Variants in CSMD2 observed in about 807,000 individuals in gnomAD.
CSMD2 encodes CUB and sushi domain-containing protein 2.
Under a neutral mutation model 398.5 loss-of-function variants are expected in CSMD2, and 130 were observed. That is an observed-to-expected ratio of 0.33 (90% confidence interval 0.28 to 0.38). The LOEUF is 0.38. Among genes scored for constraint, CSMD2 ranks in the 10% least tolerant of loss-of-function variants. The pLI is 1.00. For synonymous variants in CSMD2, 1,828 were observed against 1,908.5 expected (o/e 0.96, Z 1.10); for missense variants, 3,829 against 4,764.9 (o/e 0.80, Z 5.78).
At chr1:33,957,030 G>C (rs1241712852) in intron 3 of CSMD2, among the ~76,000 whole-genome samples, 1 of 151,778 alleles carries the variant, frequency 6.6e-6, no homozygotes, top group Non-Finnish European at 1.5e-5. Flanking sequence ...TCCTACCTCA[G>C]GGCTCTTGCA....
chr1:34,090,482 G>A (rs1017513199), intron 1 of CSMD2, among the ~76,000 whole-genome samples: 1 of 151,982 alleles, frequency 6.6e-6, no homozygotes, highest in African/African-American at 2.4e-5. Context: ...TGTGGGCCAG[G>A]CCCATCACCC....
At chr1:33,581,499 C>T (rs1475212176) in intron 47 of CSMD2, among the ~76,000 whole-genome samples, 1 of 129,574 alleles carries the variant, frequency 7.7e-6, no homozygotes, top group Non-Finnish European at 1.5e-5. Context: ...CACTGTGCTC[C>T]AGCCTGGGTG....
intron 3 of CSMD2, among the ~76,000 whole-genome samples, chr1:34,019,118 C>T (rs1411813151): frequency 6.6e-6 from 1 of 152,186 alleles, no homozygotes; most frequent in Non-Finnish European, 1.5e-5. Flanking sequence ...CCTCAAAGGA[C>T]TGCTTGAGAA....
At chr1:33,578,146 G>A (rs1413165309) in intron 48 of CSMD2, among the ~76,000 whole-genome samples, 2 of 152,012 alleles carry the variant, frequency 1.3e-5, no homozygotes, top group African/African-American at 4.8e-5. Flanking sequence ...TGGCAACCTG[G>A]GACACACATT....
At chr1:33,895,780 T>C (rs1642349028) in intron 5 of CSMD2, among the ~76,000 whole-genome samples, 2 of 152,104 alleles carry the variant, frequency 1.3e-5, no homozygotes, top group African/African-American at 4.8e-5. Context: ...CCAGCCCCCA[T>C]GAGTTTGTGG....
chr1:34,132,666 G>A lies in CSMD2; in HGVS notation c.187+32245C>T, dbSNP rs190519740. ...CCTCATCCAATTCATTGAGGTCCCC[G>A]AAAGAAGAAATAGACAGAGAAGAGG... On this transcript the variant is annotated intron_variant, in intron 1 of 70. Coordinates refer to ENST00000373381, the MANE Select transcript of CSMD2 (RefSeq NM_001281956.2). Among the ~76,000 whole-genome samples, 628 of 152,302 alleles carry A rather than the reference G, an allele frequency of 4.1e-3. 3 individuals carry two copies. Among genetic ancestry groups the A allele is most frequent in the Middle Eastern group, 6.8e-3 (2 of 294 alleles).
Position 33,912,687 on chromosome 1 carries a change from C to G in CSMD2, c.920+5407G>C, listed in dbSNP as rs374224498. On this transcript the variant is annotated intron_variant, in intron 5 of 70. Coordinates refer to ENST00000373381, the MANE Select transcript of CSMD2 (RefSeq NM_001281956.2). ...TCTCCATACTTATGGTCCCTGCCCC[C>G]CTACTCTGTGAGCACCCCAGTACAG... is the stretch of plus-strand genomic sequence containing the variant. Among the ~76,000 whole-genome samples the G allele has an allele frequency of 2.0e-4, 30 of 152,290 alleles. 1 individual carries two copies. The South Asian group carries it at 6.2e-3, about 32-fold the overall frequency.
intron 12 of CSMD2, among the ~76,000 whole-genome samples, chr1:33,786,378 C>T (rs1653539443): frequency 6.6e-6 from 1 of 152,182 alleles, no homozygotes; most frequent in South Asian, 2.1e-4. Flanking sequence ...TTGCATCCAT[C>T]TCCATTCCCC....
At chr1:33,968,182 G>C (rs1406055914) in intron 3 of CSMD2, among the ~76,000 whole-genome samples, 1 of 152,190 alleles carries the variant, frequency 6.6e-6, no homozygotes, top group Non-Finnish European at 1.5e-5. Context: ...CTGGTTCTTT[G>C]AGTCATGTTA....
chr1:33,556,561 T>C (rs1657994549), intron 55 of CSMD2, among the ~76,000 whole-genome samples: 1 of 152,146 alleles, frequency 6.6e-6, no homozygotes, highest in Admixed American at 6.5e-5. Context: ...GATTCACCTT[T>C]AGGAAACAGA....
intron 1 of CSMD2, among the ~76,000 whole-genome samples, chr1:34,134,550 C>A (rs894962383): frequency 8.6e-5 from 13 of 152,022 alleles, no homozygotes; most frequent in African/African-American, 3.1e-4. Flanking sequence ...GACACAAAAC[C>A]AGAAGCCAAA....
At chr1:33,905,477 A>G (rs1049724560) in intron 5 of CSMD2, among the ~76,000 whole-genome samples, 2 of 152,198 alleles carry the variant, frequency 1.3e-5, no homozygotes, top group African/African-American at 4.8e-5. Context: ...CGACACTGGA[A>G]TGGGCAACCT....
chr1:33,717,243 C>G (rs1646203845), intron 19 of CSMD2, among the ~76,000 whole-genome samples: 2 of 152,174 alleles, frequency 1.3e-5, no homozygotes, highest in Admixed American at 1.3e-4. Flanking sequence ...AGAAGCCATC[C>G]TATCCAGAGT....
intron 1 of CSMD2, among the ~76,000 whole-genome samples, chr1:34,146,313 C>G (rs1279506909): frequency 6.6e-6 from 1 of 152,210 alleles, no homozygotes; most frequent in Non-Finnish European, 1.5e-5. Context: ...AGAGCCCCAG[C>G]AGGGAGCAGG....
chr1:34,145,327 T>A (rs1447786076), intron 1 of CSMD2, among the ~76,000 whole-genome samples: 1 of 152,224 alleles, frequency 6.6e-6, no homozygotes. Flanking sequence ...TGGGAGGGGC[T>A]GAGGTTCTGT....
At chr1:33,789,941 C>A (rs2124855969) in intron 11 of CSMD2, among the ~76,000 whole-genome samples, 1 of 152,316 alleles carries the variant, frequency 6.6e-6, no homozygotes, top group African/African-American at 2.4e-5. Context: ...GGACCTTGGG[C>A]AAGTGGTTGA....
intron 2 of CSMD2, among the ~76,000 whole-genome samples, chr1:34,072,572 T>C (rs931794699): frequency 4.6e-5 from 7 of 152,066 alleles, no homozygotes; most frequent in African/African-American, 1.7e-4. Context: ...GCAGGACCAA[T>C]TGTGAGAAGT....
At chr1:33,736,124 C>T (rs1646877518) in intron 15 of CSMD2, among the ~76,000 whole-genome samples, 1 of 152,220 alleles carries the variant, frequency 6.6e-6, no homozygotes, top group African/African-American at 2.4e-5. Flanking sequence ...AATAGACTGT[C>T]CCTTACTTCT....
At chr1:34,070,637 C>A (rs115915958) in intron 2 of CSMD2, among the ~76,000 whole-genome samples, 1 of 152,198 alleles carries the variant, frequency 6.6e-6, no homozygotes, top group African/African-American at 2.4e-5. Flanking sequence ...TGGAGCTTTG[C>A]GGTAGTGGAT....
Sources: gnomAD v4.1 joint callset for allele counts (sites outside exome capture counted in the v4.1 genomes callset) on GRCh38, gnomAD v4.1.1 for gene constraint, MANE v1.5 for transcripts, NCBI Gene and HGNC (gene_info 2026-07-23, HGNC 2026-07-21) for gene names.